CDKL5: variants seen among roughly 807,000 people sequenced by gnomAD.
CDKL5 encodes cyclin-dependent kinase-like 5.
A neutral mutation model predicts 61.7 loss-of-function variants in CDKL5; 8 were observed. That is an observed-to-expected ratio of 0.13 (90% CI 0.08 to 0.23). The LOEUF is 0.23. Ranked by LOEUF, CDKL5 falls within the 10% of genes least tolerant of loss-of-function variation. The probability of loss-of-function intolerance (pLI) is 1.00; values close to 1 mark genes in which losing one functional copy is unlikely to be tolerated. For synonymous variants in CDKL5, 275 were observed against 272.3 expected (o/e 1.01, Z -0.10); for missense variants, 440 against 734.5 (o/e 0.60, Z 4.63).
At chrX:18,534,456 A>G (rs777780273) in intron 3 of CDKL5, among the ~76,000 whole-genome samples, 5 of 111,584 alleles carry the variant, frequency 4.5e-5, no homozygotes, top group East Asian at 2.8e-4. Flanking sequence ...TTATCTTACA[A>G]TTGTCTTACA....
chrX:18,434,419 A>T (rs181793083), intron 1 of CDKL5, among the ~76,000 whole-genome samples: 200 of 111,509 alleles, frequency 1.8e-3, no homozygotes, highest in African/African-American at 6.1e-3. Flanking sequence ...GACACACGGC[A>T]CTGGTCTGAT....
At chrX:18,577,045 C>T (rs914668693) in intron 5 of CDKL5, among the ~76,000 whole-genome samples, 14 of 110,641 alleles carry the variant, frequency 1.3e-4, no homozygotes, top group African/African-American at 3.3e-4. Context: ...TACAGGTGCG[C>T]GCCACCATGC....
chrX:18,630,783 T>G lies in CDKL5; in HGVS notation c.*2026T>G. The stretch of plus-strand genomic sequence containing the variant: ...ATAGTTTTGCATGCTCTTTAGTTCT[T>G]TTTCTGTCTTACTTCTTTCACCAGT... On this transcript the variant is annotated 3_prime_UTR_variant, in exon 18 of 18. Coordinates refer to ENST00000623535, the MANE Select transcript of CDKL5 (RefSeq NM_001323289.2). The G allele has an allele frequency of 5.3e-6, 4 of 752,367 alleles. No individual in the cohort carries two copies. The highest frequency in any genetic ancestry group is 6.3e-6 in the Non-Finnish European group (4 of 638,890). The allele number at this position is 752,367 out of a possible 1,213,427, so 62.0% of individuals were successfully genotyped here. A position where few individuals can be genotyped will look rare whatever the true frequency, so the allele number is the denominator to read the frequency against.
intron 1 of CDKL5, among the ~76,000 whole-genome samples, chrX:18,445,580 C>G (rs909449985): frequency 9.0e-6 from 1 of 111,580 alleles, no homozygotes; most frequent in African/African-American, 3.3e-5. Context: ...TTGTAATCCC[C>G]ACATGTCAAG....
At chrX:18,444,932 C>T (rs2039391739) in intron 1 of CDKL5, among the ~76,000 whole-genome samples, 1 of 111,281 alleles carries the variant, frequency 9.0e-6, no homozygotes, top group South Asian at 3.7e-4. Flanking sequence ...TTGCATTTGT[C>T]TCTGATGGGA....
At chrX:18,593,461 T>C (rs1271934182) in intron 9 of CDKL5, among the ~76,000 whole-genome samples, 1 of 111,578 alleles carries the variant, frequency 9.0e-6, no homozygotes, top group African/African-American at 3.3e-5. Context: ...AATATTAACA[T>C]GTACTGGTAT....
In CDKL5 at chrX:18,628,421, A is replaced by C. The variant is rs748502843; in HGVS notation, c.2547A>C (p.Ser849=). The C allele has an allele frequency of 8.3e-7, 1 of 1,211,724 alleles. No individual in the cohort carries two copies. The highest frequency in any genetic ancestry group is 2.2e-5 in the Admixed American group (1 of 46,063). ...AGTTGTTACATCTCTCTTCGGCCTC[A>C]AATCACCCGGCTTCCTCAGATCCCC... The part of the protein sequence containing the change: ...LRKLLHLSSA[S]NHPASSDPRF... The change falls in exon 18 of 18, where the codon TCA becomes TCC. Residue 849 remains serine (S), a synonymous_variant. Coordinates refer to ENST00000623535, the MANE Select transcript of CDKL5 (RefSeq NM_001323289.2).
At chrX:18,481,574 G>C (rs1447502357) in intron 1 of CDKL5, among the ~76,000 whole-genome samples, 1 of 102,937 alleles carries the variant, frequency 9.7e-6, no homozygotes, top group Non-Finnish European at 2.0e-5. Context: ...TGTTGCCCAG[G>C]CTGGTCTCGA....
chrX:18,632,028 C>T lies in CDKL5; in HGVS notation c.*3271C>T. The T allele has an allele frequency of 1.7e-6, 1 of 602,758 alleles. No individual in the cohort carries two copies. The highest frequency in any genetic ancestry group is 2.0e-6 in the Non-Finnish European group (1 of 501,161). 49.7% of individuals were successfully genotyped at this position (602,758 alleles called of 1,213,427 possible). On this transcript the variant is annotated 3_prime_UTR_variant, in exon 18 of 18. Transcript: ENST00000623535. The stretch of plus-strand genomic sequence containing the variant: ...GCCACAGATGCTACTAAACACCCTG[C>T]CATGCACAGGACAGCCCCCCAAACA...
intron 1 of CDKL5, among the ~76,000 whole-genome samples, chrX:18,485,452 A>C (rs1921756774): frequency 1.8e-5 from 2 of 112,133 alleles, no homozygotes; most frequent in South Asian, 7.3e-4. Context: ...TGTCTATGGC[A>C]GTAGCCTTCA....
At chrX:18,522,403 G>A (rs1234258928) in intron 3 of CDKL5, among the ~76,000 whole-genome samples, 1 of 87,824 alleles carries the variant, frequency 1.1e-5, no homozygotes, top group East Asian at 4.1e-4. Flanking sequence ...GGAGTGAAGT[G>A]TTGTGATCTT....
intron 3 of CDKL5, among the ~76,000 whole-genome samples, chrX:18,550,062 C>T (rs1215249197): frequency 9.0e-6 from 1 of 111,570 alleles, no homozygotes; most frequent in Non-Finnish European, 1.9e-5. Context: ...CTGATACCCA[C>T]GCTGTAGCTG....
chrX:18,505,271 A>T (rs1474993443), intron 1 of CDKL5, among the ~76,000 whole-genome samples: 1 of 111,674 alleles, frequency 9.0e-6, no homozygotes, highest in Non-Finnish European at 1.9e-5. Context: ...TGTAAACATG[A>T]TGCCCCTTTA....
chrX:18,560,985 G>A (rs1175252221), intron 3 of CDKL5, among the ~76,000 whole-genome samples: 1 of 111,802 alleles, frequency 8.9e-6, no homozygotes, highest in African/African-American at 3.2e-5. Context: ...GATGCCTTAT[G>A]TGATAGTATT....
At chrX:18,594,904 C>T (rs970921627) in intron 9 of CDKL5, among the ~76,000 whole-genome samples, 3 of 112,229 alleles carry the variant, frequency 2.7e-5, no homozygotes, top group South Asian at 3.6e-4. Context: ...CATAGACGGC[C>T]GGGTGTGGTG....
chrX:18,494,091 T>G (rs1354409706), intron 1 of CDKL5, among the ~76,000 whole-genome samples: 1 of 111,594 alleles, frequency 9.0e-6, no homozygotes, highest in Non-Finnish European at 1.9e-5. Context: ...GCTTGGTTAA[T>G]TTTTTGTAGA....
Position 18,518,388 on chromosome X carries a change from A to ATTTTTTTTTTTTTTTTTTTTTTTTTT in CDKL5, c.99+7544_99+7569dup, listed in dbSNP as rs779361711. 5.7e-4 allele frequency among the ~76,000 whole-genome samples: 12 copies of ATTTTTTTTTTTTTTTTTTTTTTTTTT among 21,164 alleles called. 3 individuals carry two copies. The highest frequency in any genetic ancestry group is 2.1e-3 in the East Asian group (1 of 484). 18.4% of individuals were successfully genotyped at this position (21,164 alleles called of 115,157 possible). A position where few individuals can be genotyped will look rare whatever the true frequency, so the allele number is the denominator to read the frequency against. ...AAGTCATGTTTTCTTTTCTTTTCTT[A>ATTTTTTTTTTTTTTTTTTTTTTTTTT]TTTTTTTTTTTTTTTTTTTTTTTTT... is the stretch of plus-strand genomic sequence containing the variant. On this transcript the variant is annotated intron_variant, in intron 3 of 17. Coordinates refer to ENST00000623535, the MANE Select transcript of CDKL5 (RefSeq NM_001323289.2).
At chrX:18,644,597 T>C, downstream of CDKL5, 1 of 1,211,663 alleles carries the variant, frequency 8.3e-7, no homozygotes, top group Non-Finnish European at 1.1e-6. Context: ...CACTGGCTAC[T>C]GTCCTGGAAC....
In CDKL5 at chrX:18,604,914, G is replaced by A. The variant is rs200438117; in HGVS notation, c.1944+46G>A. The A allele has an allele frequency of 3.4e-6, 4 of 1,189,179 alleles. No homozygotes were observed. In the East Asian group the frequency reaches 1.2e-4, roughly 35 times the overall value. On this transcript the variant is annotated intron_variant, in intron 12 of 17. Transcript: ENST00000623535. ...TGAATCTGGTGGCCCTTCAGGGGAA[G>A]GTGGTACGAGGGATGTGATGAGGGT...
Sources: gnomAD v4.1 joint callset for allele counts (sites outside exome capture counted in the v4.1 genomes callset) on GRCh38, gnomAD v4.1.1 for gene constraint, MANE v1.5 for transcripts, NCBI Gene and HGNC (gene_info 2026-07-23, HGNC 2026-07-21) for gene names.